SH3PXD2A: variants seen among roughly 807,000 people sequenced by gnomAD.
SH3PXD2A encodes the protein SH3 and PX domain-containing protein 2A.
Under a neutral mutation model 115.2 loss-of-function variants are expected in SH3PXD2A, and 32 were observed. The ratio of observed to expected loss-of-function variants is 0.28; its 90% CI spans 0.21 to 0.37. The LOEUF (loss-of-function observed/expected upper bound fraction) is 0.37. Ranked by LOEUF, SH3PXD2A falls within the 10% of genes least tolerant of loss-of-function variation. The pLI is 1.00. For synonymous variants in SH3PXD2A, 610 were observed against 629.1 expected, an observed-to-expected ratio of 0.97 and a Z score of 0.45; for missense variants, 1,328 against 1,498.7, an observed-to-expected ratio of 0.89 and a Z score of 1.88.
intron 2 of SH3PXD2A, among the ~76,000 whole-genome samples, chr10:103,781,300 A>C (rs2038929463): frequency 6.6e-6 from 1 of 152,188 alleles, no homozygotes; most frequent in Non-Finnish European, 1.5e-5. Flanking sequence ...GAGCAGGGTA[A>C]TGTACCCTTC....
At chr10:103,638,373 G>A (rs530488978) in intron 8 of SH3PXD2A, among the ~76,000 whole-genome samples, 17 of 152,348 alleles carry the variant, frequency 1.1e-4, no homozygotes, top group Admixed American at 5.2e-4. Flanking sequence ...CCACCTCACC[G>A]AACAGGCCCA....
At chr10:103,835,267 G>T (rs2039525620) in intron 1 of SH3PXD2A, among the ~76,000 whole-genome samples, 1 of 152,220 alleles carries the variant, frequency 6.6e-6, no homozygotes, top group Non-Finnish European at 1.5e-5. Context: ...GCTTCCGTGG[G>T]ATTTCCCACT....
At position 103,723,961 on chromosome 10, in the gene SH3PXD2A, T is replaced by G. The variant is rs1244489501; in HGVS notation, c.398+309A>C. 3.3e-5 allele frequency among the ~76,000 whole-genome samples: 5 copies of G among 152,202 alleles called. No homozygotes were observed. In the East Asian group the frequency reaches 9.6e-4, roughly 29 times the overall value. On this transcript the variant is annotated intron_variant, in intron 5 of 14. Transcript: ENST00000369774. ...TGGTCTCGATGGCATGACCATTATA[T>G]TTTCTGTTATCTCATCTGCTCCTTG...
intron 1 of SH3PXD2A, among the ~76,000 whole-genome samples, chr10:103,840,649 T>G (rs2039588211): frequency 6.6e-6 from 1 of 152,258 alleles, no homozygotes; most frequent in South Asian, 2.1e-4. Context: ...TGCCTGGCTC[T>G]GAACCCGGCT....
intron 5 of SH3PXD2A, among the ~76,000 whole-genome samples, chr10:103,694,951 T>C (rs1302125795): frequency 2.0e-5 from 3 of 152,222 alleles, no homozygotes; most frequent in Non-Finnish European, 4.4e-5. Flanking sequence ...GTCCTAGCTG[T>C]GCCCCCCAAA....
intron 8 of SH3PXD2A, among the ~76,000 whole-genome samples, chr10:103,633,325 A>C (rs186564271): frequency 6.6e-6 from 1 of 151,944 alleles, no homozygotes; most frequent in Admixed American, 6.5e-5. Context: ...CTGAGGCATG[A>C]GAATCACTTG....
chr10:103,713,239 C>T (rs985385122), intron 5 of SH3PXD2A, among the ~76,000 whole-genome samples: 3 of 152,222 alleles, frequency 2.0e-5, no homozygotes, highest in Non-Finnish European at 2.9e-5. Flanking sequence ...ATGCTTGTCC[C>T]TTTCATCTCG....
intron 3 of SH3PXD2A, among the ~76,000 whole-genome samples, chr10:103,743,863 T>C (rs1296178816): frequency 6.6e-6 from 1 of 152,246 alleles, no homozygotes; most frequent in African/African-American, 2.4e-5. Flanking sequence ...AATGGTACAG[T>C]GAGCCTTATT....
In SH3PXD2A at chr10:103,611,585, C is replaced by G; in HGVS notation, c.1304G>C (p.Ser435Thr). ...RTRPPPRRES[S>T]LGFQLPKPPE... Reference sequence around the variant, plus strand: ...GAAGAAATTCAGTACACATACCAGGCTGGATTCTCTGCGTGGTGGAGGTCT... The same window carrying G: ...GAAGAAATTCAGTACACATACCAGGGTGGATTCTCTGCGTGGTGGAGGTCT... The change falls in exon 13 of 15, where the codon AGC becomes ACC. Residue 435 changes from serine (S) to threonine (T), a missense_variant. Ser to Thr is a moderately conservative substitution (Grantham distance 58). This residue lies in a region of SH3PXD2A where 509 missense variants were observed against 628.3 expected (regional missense o/e 0.81). Coordinates refer to ENST00000369774, the MANE Select transcript of SH3PXD2A (RefSeq NM_001394015.1). 1 of 1,613,992 alleles carries G rather than the reference C, an allele frequency of 6.2e-7. No individual in the cohort carries two copies. Among genetic ancestry groups the G allele is most frequent in the Non-Finnish European group, 8.5e-7 (1 of 1,179,846 alleles).
intron 9 of SH3PXD2A, among the ~76,000 whole-genome samples, chr10:103,625,322 A>C (rs2036675239): frequency 6.6e-6 from 1 of 152,216 alleles, no homozygotes; most frequent in Non-Finnish European, 1.5e-5. Flanking sequence ...TGATTCATAC[A>C]CGCACTGCCC....
At chr10:103,817,657 T>TGTC (rs60266977) in intron 1 of SH3PXD2A, among the ~76,000 whole-genome samples, 2,652 of 152,314 alleles carry the variant, frequency 0.017, 76 homozygotes, top group African/African-American at 0.06. Context: ...CATAGGTTCT[T>TGTC]ATTTAGCTTC....
At chr10:103,738,799 T>A (rs918277811) in intron 3 of SH3PXD2A, among the ~76,000 whole-genome samples, 6 of 152,082 alleles carry the variant, frequency 3.9e-5, no homozygotes, top group African/African-American at 1.4e-4. Flanking sequence ...AACTCTCTTT[T>A]TTTTTTTTTC....
At chr10:103,815,909 A>T (rs566010990) in intron 1 of SH3PXD2A, among the ~76,000 whole-genome samples, 109 of 152,174 alleles carry the variant, frequency 7.2e-4, no homozygotes, top group Non-Finnish European at 1.2e-3. Flanking sequence ...AAAGAAAAAG[A>T]AAAAGAAAAA....
chr10:103,711,078 G>C (rs1198384671), intron 5 of SH3PXD2A, among the ~76,000 whole-genome samples: 1 of 152,190 alleles, frequency 6.6e-6, no homozygotes, highest in Non-Finnish European at 1.5e-5. Context: ...CTGGCACATA[G>C]CTGGTGGGGG....
chr10:103,755,657 CAG>C (rs1158374758), intron 3 of SH3PXD2A, among the ~76,000 whole-genome samples: 5 of 152,148 alleles, frequency 3.3e-5, no homozygotes, highest in Admixed American at 1.3e-4. Flanking sequence ...CGGAAAATAG[CAG>C]AGTTTTGGTT....
chr10:103,646,930 G>A (rs2037044221), intron 8 of SH3PXD2A, among the ~76,000 whole-genome samples: 1 of 152,142 alleles, frequency 6.6e-6, no homozygotes, highest in Non-Finnish European at 1.5e-5. Flanking sequence ...AAAGCTGGGG[G>A]AAGTCACTGA....
intron 5 of SH3PXD2A, among the ~76,000 whole-genome samples, chr10:103,696,343 C>T (rs979463062): frequency 2.0e-5 from 3 of 152,140 alleles, no homozygotes; most frequent in East Asian, 1.9e-4. Context: ...GTGGCTGGGA[C>T]TCTCCCATCC....
chr10:103,667,679 C>T lies in SH3PXD2A; in HGVS notation c.472+929G>A, dbSNP rs113678256. Among the ~76,000 whole-genome samples the T allele has an allele frequency of 8.5e-5, 13 of 152,306 alleles. 1 individual carries two copies. The highest frequency in any genetic ancestry group is 3.1e-4 in the African/African-American group (13 of 41,578). ...CTCTAAACACTGGGGCTGGCCCAGC[C>T]CCACCACCCCACTCAGCTCCCACCC... On this transcript the variant is annotated intron_variant, in intron 7 of 14. Transcript: ENST00000369774.
chr10:103,714,447 C>T (rs1476799832), intron 5 of SH3PXD2A, among the ~76,000 whole-genome samples: 2 of 152,222 alleles, frequency 1.3e-5, no homozygotes, highest in Non-Finnish European at 2.9e-5. Flanking sequence ...ATGGGCCTCC[C>T]AGGCGTGTGC....
Sources: allele counts gnomAD v4.1 joint callset (sites outside exome capture counted in the v4.1 genomes callset), GRCh38; gene constraint gnomAD v4.1.1; regional missense constraint gnomAD v4.1.1; transcripts MANE v1.5; gene names NCBI Gene and HGNC (gene_info 2026-07-23, HGNC 2026-07-21).